DOK6: variants seen among roughly 807,000 people sequenced by gnomAD.
DOK6 encodes docking protein 6.
Under a neutral mutation model 44.0 loss-of-function variants are expected in DOK6, and 22 were observed. The observed-to-expected ratio is 0.50, with a 90% CI of 0.36 to 0.71. The LOEUF (loss-of-function observed/expected upper bound fraction) is 0.71. Among genes scored for constraint, DOK6 ranks in the 30% least tolerant of loss-of-function variants. The pLI is 0.00. For synonymous variants in DOK6, 166 were observed against 145.5 expected (o/e 1.14, Z -1.01); for missense variants, 340 against 416.4 (o/e 0.82, Z 1.60).
At position 69,757,930 on chromosome 18, in the gene DOK6, G is replaced by A; in HGVS notation, c.856+57G>A. 6.2e-6 allele frequency: 9 copies of A among 1,441,754 alleles called. No homozygotes were observed. The South Asian group carries it at 8.0e-5, about 13-fold the overall frequency. 89.3% of individuals were successfully genotyped at this position (1,441,754 alleles called of 1,614,324 possible). A position where few individuals can be genotyped will look rare whatever the true frequency, so the allele number is the denominator to read the frequency against. ...TCCATAAGCTTCCTCCAGGTGGACTGAGTCATGCAAATTGCTTTGTATTTG... is the reference window on the plus strand; with the variant it reads ...TCCATAAGCTTCCTCCAGGTGGACTAAGTCATGCAAATTGCTTTGTATTTG... On this transcript the variant is annotated intron_variant, in intron 7 of 7. Transcript: ENST00000382713.
At chr18:69,448,626 A>C (rs1979364504) in intron 1 of DOK6, among the ~76,000 whole-genome samples, 1 of 152,138 alleles carries the variant, frequency 6.6e-6, no homozygotes, top group African/African-American at 2.4e-5. Context: ...CACCCACCTC[A>C]GCCTCCCAAA....
intron 5 of DOK6, among the ~76,000 whole-genome samples, chr18:69,733,406 T>G (rs959167785): frequency 6.6e-6 from 1 of 152,180 alleles, no homozygotes. Flanking sequence ...CATGCACATT[T>G]TTTACAGTGA....
chr18:69,620,911 G>A (rs1984425523), intron 3 of DOK6, among the ~76,000 whole-genome samples: 1 of 152,140 alleles, frequency 6.6e-6, no homozygotes. Context: ...TAAATAACAA[G>A]TGAAATATTA....
chr18:69,410,100 G>A (rs2122388760), intron 1 of DOK6, among the ~76,000 whole-genome samples: 2 of 152,334 alleles, frequency 1.3e-5, no homozygotes, highest in South Asian at 4.1e-4. Context: ...TTATGTATAA[G>A]TATGAAATAT....
In DOK6 at chr18:69,565,417, C is replaced by T. The variant is rs139473658; in HGVS notation, c.174+823C>T. Among the ~76,000 whole-genome samples, 428 of 150,586 alleles carry T rather than the reference C, an allele frequency of 2.8e-3. 2 individuals carry two copies. The highest frequency in any genetic ancestry group is 5.5e-3 in the Admixed American group (83 of 15,116). On this transcript the variant is annotated intron_variant, in intron 2 of 7. Transcript: ENST00000382713. ...TATTATTATTAGTTATGAATATTAA[C>T]TAGTAATCATTTAAAATTTGAGCTT...
chr18:69,559,838 C>A (rs1487469895), intron 1 of DOK6, among the ~76,000 whole-genome samples: 1 of 152,078 alleles, frequency 6.6e-6, no homozygotes. Flanking sequence ...GCTCATGTGA[C>A]CTCTTCCTTG....
chr18:69,847,202 A>G lies in DOK6; in HGVS notation c.*5819A>G, dbSNP rs540617004. The stretch of plus-strand genomic sequence containing the variant: ...CACATTCCAGTTGTCAGAAGAATGA[A>G]TGGATTTAAATTTTCTAATCATTAT... On this transcript the variant is annotated 3_prime_UTR_variant, in exon 8 of 8. Transcript: ENST00000382713. 1.2e-3 allele frequency: 190 copies of G among 152,110 alleles called. 2 individuals carry two copies. Among genetic ancestry groups the G allele is most frequent in the African/African-American group, 4.5e-3 (188 of 41,518 alleles). 9.4% of individuals were successfully genotyped at this position (152,110 alleles called of 1,614,324 possible). A position where few individuals can be genotyped will look rare whatever the true frequency, so the allele number is the denominator to read the frequency against.
At chr18:69,808,883 T>C (rs1281837858) in intron 7 of DOK6, among the ~76,000 whole-genome samples, 2 of 151,822 alleles carry the variant, frequency 1.3e-5, no homozygotes, top group African/African-American at 4.8e-5. Context: ...ACATTAATCA[T>C]TCCCAAACTC....
chr18:69,758,547 T>C (rs1230497543), intron 7 of DOK6, among the ~76,000 whole-genome samples: 1 of 152,200 alleles, frequency 6.6e-6, no homozygotes. Flanking sequence ...CCTTCCCTTT[T>C]GTTTTAAACT....
intron 1 of DOK6, among the ~76,000 whole-genome samples, chr18:69,420,763 G>C (rs1978468357): frequency 6.6e-6 from 1 of 152,128 alleles, no homozygotes; most frequent in African/African-American, 2.4e-5. Flanking sequence ...TTTCATGACA[G>C]TGTATTCCAC....
chr18:69,523,469 A>T (rs1650488009), intron 1 of DOK6, among the ~76,000 whole-genome samples: 1 of 152,056 alleles, frequency 6.6e-6, no homozygotes, highest in Admixed American at 6.6e-5. Context: ...TTATCACCTG[A>T]AGAATCAAGT....
chr18:69,807,656 T>C (rs940044376), intron 7 of DOK6, among the ~76,000 whole-genome samples: 1 of 151,828 alleles, frequency 6.6e-6, no homozygotes, highest in African/African-American at 2.4e-5. Flanking sequence ...ACATGTATCA[T>C]ATAAAATAGA....
intron 5 of DOK6, among the ~76,000 whole-genome samples, chr18:69,707,584 G>A (rs1007460978): frequency 6.6e-6 from 1 of 152,172 alleles, no homozygotes; most frequent in African/African-American, 2.4e-5. Context: ...CTTAAGTGAT[G>A]AACAAAGTCT....
At chr18:69,750,069 TA>T (rs1979125881) in intron 6 of DOK6, among the ~76,000 whole-genome samples, 2 of 147,466 alleles carry the variant, frequency 1.4e-5, no homozygotes, top group South Asian at 4.2e-4. Flanking sequence ...TATATATATA[TA>T]ATATATATAA....
chr18:69,666,167 A>C (rs1356532605), intron 3 of DOK6, among the ~76,000 whole-genome samples: 3 of 152,208 alleles, frequency 2.0e-5, no homozygotes, highest in Non-Finnish European at 4.4e-5. Context: ...TTTTCTTAAT[A>C]CCCTGCCAAA....
chr18:69,544,468 AAGG>A (rs1982349397), intron 1 of DOK6, among the ~76,000 whole-genome samples: 1 of 151,820 alleles, frequency 6.6e-6, no homozygotes, highest in East Asian at 1.9e-4. Flanking sequence ...GCAGTCAGTA[AAGG>A]AGGAGAACCA....
intron 3 of DOK6, among the ~76,000 whole-genome samples, chr18:69,638,348 A>G (rs949519810): frequency 1.3e-5 from 2 of 152,198 alleles, no homozygotes. Context: ...CTGGCCTATG[A>G]AGTAAAATAT....
At chr18:69,799,792 A>T (rs1980849403) in intron 7 of DOK6, among the ~76,000 whole-genome samples, 1 of 152,094 alleles carries the variant, frequency 6.6e-6, no homozygotes, top group Non-Finnish European at 1.5e-5. Context: ...GGGTGCCCTC[A>T]GTGACCGAGG....
intron 6 of DOK6, among the ~76,000 whole-genome samples, chr18:69,742,620 A>T (rs1282019548): frequency 6.6e-6 from 1 of 152,168 alleles, no homozygotes; most frequent in Non-Finnish European, 1.5e-5. Context: ...TTTATTAACC[A>T]TTCACAAGAT....
Sources: allele counts gnomAD v4.1 joint callset (sites outside exome capture counted in the v4.1 genomes callset), GRCh38; gene constraint gnomAD v4.1.1; transcripts MANE v1.5; gene names NCBI Gene and HGNC (gene_info 2026-07-23, HGNC 2026-07-21).